UEVLD: variants seen among roughly 807,000 people sequenced by gnomAD.
UEVLD encodes the protein UEV and lactate/malate dehyrogenase domains.
A neutral mutation model predicts 58.6 loss-of-function variants in UEVLD; 47 were observed. The observed-to-expected ratio is 0.80, with a 90% confidence interval of 0.63 to 1.02. UEVLD has a LOEUF of 1.02. UEVLD is among the 50% of genes least tolerant of loss of function. UEVLD has a pLI of 0.00. For synonymous variants in UEVLD, 197 were observed against 195.3 expected, an observed-to-expected ratio of 1.01 and a Z score of -0.07; for missense variants, 510 against 550.6, an observed-to-expected ratio of 0.93 and a Z score of 0.74.
At chr11:18,573,622 C>A (rs558323353) in intron 3 of UEVLD, among the ~76,000 whole-genome samples, 1 of 152,336 alleles carries the variant, frequency 6.6e-6, no homozygotes, top group East Asian at 1.9e-4. Context: ...TCATCTCCAT[C>A]CATTCTCCTA....
At chr11:18,573,718 C>G (rs1852751007) in intron 3 of UEVLD, among the ~76,000 whole-genome samples, 1 of 152,016 alleles carries the variant, frequency 6.6e-6, no homozygotes, top group Non-Finnish European at 1.5e-5. Context: ...TACACAGAAG[C>G]AGAACAAAAC....
intron 7 of UEVLD, among the ~76,000 whole-genome samples, chr11:18,555,693 G>T (rs1851726838): frequency 6.6e-6 from 1 of 152,114 alleles, no homozygotes; most frequent in Non-Finnish European, 1.5e-5. Flanking sequence ...TGCACCTGTA[G>T]TCCCAGATAC....
intron 2 of UEVLD, among the ~76,000 whole-genome samples, chr11:18,576,019 T>C (rs915404105): frequency 1.3e-5 from 2 of 152,154 alleles, no homozygotes; most frequent in African/African-American, 4.8e-5. Flanking sequence ...AAATTGCCTT[T>C]GCAAAATTAT....
At chr11:18,568,622 CATAA>C (rs1229436458) in intron 4 of UEVLD, among the ~76,000 whole-genome samples, 3 of 152,116 alleles carry the variant, frequency 2.0e-5, no homozygotes, top group African/African-American at 7.2e-5. Context: ...ATGCAAATAA[CATAA>C]ATGTTCACAA....
chr11:18,572,996 G>C (rs1220100970), intron 3 of UEVLD, among the ~76,000 whole-genome samples: 1 of 152,094 alleles, frequency 6.6e-6, no homozygotes, highest in Non-Finnish European at 1.5e-5. Flanking sequence ...CTGACCTTCT[G>C]ATCAGCAGGA....
At chr11:18,545,487 C>T (rs1851269772) in intron 8 of UEVLD, among the ~76,000 whole-genome samples, 1 of 152,020 alleles carries the variant, frequency 6.6e-6, no homozygotes, top group African/African-American at 2.4e-5. Flanking sequence ...CTCTGTCCCC[C>T]AGGCTGGAGT....
At chr11:18,585,584 T>C (rs1391072229) in intron 1 of UEVLD, among the ~76,000 whole-genome samples, 1 of 152,196 alleles carries the variant, frequency 6.6e-6, no homozygotes, top group Non-Finnish European at 1.5e-5. Context: ...GTAGTACTGA[T>C]ATTTGGTAGA....
rs150892494 is a variant in UEVLD at position 18,543,297 on chromosome 11, A to G, written c.1060+1326T>C. On this transcript the variant is annotated intron_variant, in intron 9 of 11. Transcript: ENST00000396197. ...TGAAGTAATGACTAATTTTCCCCAG[A>G]TCACTTTCCAGCTCTTCGATCGGGT... Among the ~76,000 whole-genome samples, 900 of 152,326 alleles carry G rather than the reference A, an allele frequency of 5.9e-3. 9 individuals carry two copies. The highest frequency in any genetic ancestry group is 0.021 in the African/African-American group (868 of 41,582).
rs1473878538 is a variant in UEVLD, at chr11:18,530,581, C to T, written c.*1739G>A. 2 of 152,326 alleles carry T rather than the reference C, an allele frequency of 1.3e-5. 1 individual carries two copies. Among genetic ancestry groups the T allele is most frequent in the Admixed American group, 1.3e-4 (2 of 15,250 alleles). The allele number at this position is 152,326 out of a possible 1,614,324, so 9.4% of individuals were successfully genotyped here. Reference sequence around the variant, plus strand: ...TTTTATTTTTTTAGAGACAGGGTCTCACTCTGTTGCCTAGGCTGGAGTGCA... The same window carrying T: ...TTTTATTTTTTTAGAGACAGGGTCTTACTCTGTTGCCTAGGCTGGAGTGCA... On this transcript the variant is annotated 3_prime_UTR_variant, in exon 12 of 12. Coordinates refer to ENST00000396197, the MANE Select transcript of UEVLD (RefSeq NM_001040697.4).
chr11:18,547,048 A>G lies in UEVLD; in HGVS notation c.718T>C (p.Leu240=). The G allele has an allele frequency of 1.2e-6, 2 of 1,608,740 alleles. No individual in the cohort carries two copies. Among genetic ancestry groups the G allele is most frequent in the South Asian group, 1.1e-5 (1 of 89,782 alleles). Residue 240 remains leucine (L), a splice_region_variant and synonymous_variant, in exon 8 of 12, where the codon TTG becomes CTG. Coordinates refer to ENST00000396197, the MANE Select transcript of UEVLD (RefSeq NM_001040697.4). The part of the protein sequence containing the change: ...NLPNVEISKD[L]SASAHSKVVI... Reference sequence around the variant, plus strand: ...ACCTTGGAATGAGCAGAGGCAGACAAATCTAGTGAATGAAAAGAAACAGTC... The same window carrying G: ...ACCTTGGAATGAGCAGAGGCAGACAGATCTAGTGAATGAAAAGAAACAGTC...
intron 1 of UEVLD, among the ~76,000 whole-genome samples, chr11:18,585,589 G>C (rs1853506211): frequency 6.6e-6 from 1 of 151,808 alleles, no homozygotes; most frequent in Non-Finnish European, 1.5e-5. Context: ...ACTGATATTT[G>C]GTAGAGCAGG....
In UEVLD at chr11:18,566,648, AC is replaced by A. The variant is rs542971219; in HGVS notation, c.358-167del. ...CAACAGAATGAGACTTCATCTCCAA[AC>A]AAAACAAACAAAAAATCTTTTTTAA... is the stretch of plus-strand genomic sequence containing the variant. On this transcript the variant is annotated intron_variant, in intron 4 of 11. Transcript: ENST00000396197. 4.6e-5 allele frequency among the ~76,000 whole-genome samples: 7 copies of A among 152,316 alleles called. 1 individual carries two copies. Among genetic ancestry groups the A allele is most frequent in the Admixed American group, 4.6e-4 (7 of 15,298 alleles).
chr11:18,571,753 G>A (rs944202679), intron 3 of UEVLD, among the ~76,000 whole-genome samples: 2 of 152,182 alleles, frequency 1.3e-5, no homozygotes, highest in Non-Finnish European at 2.9e-5. Flanking sequence ...GACAGCTTGA[G>A]TCCAGGACTT....
At chr11:18,586,337 C>T (rs1394541250) in intron 1 of UEVLD, among the ~76,000 whole-genome samples, 1 of 152,114 alleles carries the variant, frequency 6.6e-6, no homozygotes, top group African/African-American at 2.4e-5. Context: ...GCTTCAGCCT[C>T]CCGAGTAGAT....
chr11:18,574,380 T>G (rs986845221), intron 3 of UEVLD, among the ~76,000 whole-genome samples: 4 of 152,164 alleles, frequency 2.6e-5, no homozygotes, highest in African/African-American at 9.7e-5. Context: ...TCAAGTGATC[T>G]GCCCACCTAG....
intron 4 of UEVLD, 124 bp from the exon 5 acceptor site, chr11:18,566,606 C>G (rs1283060819): frequency 4.1e-6 from 4 of 970,906 alleles, no homozygotes; most frequent in Non-Finnish European, 5.9e-6. Context: ...GGTTGCACCA[C>G]TATACTCCAG....
intron 7 of UEVLD, among the ~76,000 whole-genome samples, chr11:18,551,406 G>A (rs879419409): frequency 2.1e-5 from 3 of 141,530 alleles, no homozygotes; most frequent in Non-Finnish European, 3.0e-5. Context: ...CTGGGCAACC[G>A]AGTAAGACTC....
At chr11:18,546,770 TA>T in intron 8 of UEVLD, 109 bp downstream of exon 8, 2 of 1,210,064 alleles carry the variant, frequency 1.7e-6, no homozygotes, top group Non-Finnish European at 2.3e-6. Context: ...GTGTTGGGAT[TA>T]CTGGTGTGAG....
At chr11:18,571,187 A>T (rs1265415223) in intron 3 of UEVLD, among the ~76,000 whole-genome samples, 1 of 151,996 alleles carries the variant, frequency 6.6e-6, no homozygotes, top group Non-Finnish European at 1.5e-5. Context: ...CTCCACTAAA[A>T]ATTCAAAAAG....
Sources: gnomAD v4.1 joint callset for allele counts (sites outside exome capture counted in the v4.1 genomes callset) on GRCh38, gnomAD v4.1.1 for gene constraint, MANE v1.5 for transcripts, NCBI Gene and HGNC (gene_info 2026-07-23, HGNC 2026-07-21) for gene names.